SEM1: variants seen among roughly 807,000 people sequenced by gnomAD.
SEM1 encodes SEM1 26S proteasome subunit, also known as 26S proteasome complex subunit SEM1.
SEM1 carries 3 observed loss-of-function variants against 12.7 expected under a neutral mutation model. The observed-to-expected ratio is 0.24, with a 90% CI of 0.11 to 0.61. SEM1 has a LOEUF of 0.61. SEM1 is among the 20% of genes least tolerant of loss of function. SEM1 has a pLI of 0.88. For missense variants in SEM1, 59 were observed against 81.3 expected, an observed-to-expected ratio of 0.73 and a Z score of 1.06; for synonymous variants, 30 against 27.8, an observed-to-expected ratio of 1.08 and a Z score of -0.25.
intron 2 of SEM1, among the ~76,000 whole-genome samples, chr7:96,589,822 A>G (rs893846318): frequency 6.6e-6 from 1 of 152,194 alleles, no homozygotes. Flanking sequence ...TTTTAATTAG[A>G]CTACTATTTC....
At chr7:96,615,863 T>G (rs1807702805) in intron 2 of SEM1, among the ~76,000 whole-genome samples, 2 of 152,236 alleles carry the variant, frequency 1.3e-5, no homozygotes, top group Non-Finnish European at 2.9e-5. Flanking sequence ...TCACTTAGGA[T>G]AATGGCCTCC....
downstream of SEM1, among the ~76,000 whole-genome samples, chr7:96,685,503 G>A (rs1789735849): frequency 6.6e-6 from 1 of 152,062 alleles, no homozygotes; most frequent in African/African-American, 2.4e-5. Flanking sequence ...ATTAAGTGCT[G>A]TTGAAAGAGA....
At chr7:96,595,761 GTTCTA>G (rs1279826255) in intron 2 of SEM1, among the ~76,000 whole-genome samples, 2 of 151,846 alleles carry the variant, frequency 1.3e-5, no homozygotes, top group Admixed American at 1.3e-4. Flanking sequence ...ATTCATAAGT[GTTCTA>G]TTCTGTTTGT....
At chr7:96,546,235 A>G (rs1805098855) in intron 2 of SEM1, among the ~76,000 whole-genome samples, 1 of 152,108 alleles carries the variant, frequency 6.6e-6, no homozygotes, top group Admixed American at 6.6e-5. Flanking sequence ...AAAGATGAAT[A>G]AGATGATTCC....
downstream of SEM1, among the ~76,000 whole-genome samples, chr7:96,684,181 G>A (rs1789696896): frequency 6.6e-6 from 1 of 152,044 alleles, no homozygotes; most frequent in Non-Finnish European, 1.5e-5. Context: ...ACTAGCAATT[G>A]AGACTACATG....
At chr7:96,484,505 C>A (rs562792184) in intron 3 of SEM1, among the ~76,000 whole-genome samples, 23 of 152,182 alleles carry the variant, frequency 1.5e-4, no homozygotes, top group African/African-American at 5.5e-4. Context: ...TCAGTAAATA[C>A]CTGAAGAGAA....
At chr7:96,619,664 G>A (rs1807828675), downstream of SEM1, among the ~76,000 whole-genome samples, 3 of 152,080 alleles carry the variant, frequency 2.0e-5, no homozygotes, top group Admixed American at 1.3e-4. Context: ...TGGTGTGGGT[G>A]ATGAAAGTAG....
intron 1 of SEM1, among the ~76,000 whole-genome samples, chr7:96,495,730 T>G (rs1390040651): frequency 6.6e-6 from 1 of 152,152 alleles, no homozygotes; most frequent in Non-Finnish European, 1.5e-5. Flanking sequence ...AAATTTCTGT[T>G]TAACATCTTT....
intron 2 of SEM1, among the ~76,000 whole-genome samples, chr7:96,642,521 C>CT: frequency 6.6e-6 from 1 of 151,182 alleles, no homozygotes; most frequent in Admixed American, 6.6e-5. Flanking sequence ...ACCTTTGTTT[C>CT]TTTTTTTAAA....
At chr7:96,500,986 C>T (rs1803516268), upstream of SEM1, among the ~76,000 whole-genome samples, 1 of 151,178 alleles carries the variant, frequency 6.6e-6, no homozygotes, top group South Asian at 2.1e-4. Context: ...AAAAGTCTGC[C>T]TCTTATTATG....
chr7:96,532,010 C>G (rs1281777799), intron 2 of SEM1, among the ~76,000 whole-genome samples: 1 of 152,022 alleles, frequency 6.6e-6, no homozygotes, highest in Non-Finnish European at 1.5e-5. Context: ...TCTTGAGATC[C>G]CATGGCCTCT....
At chr7:96,677,457 T>A (rs958409412) in intron 2 of SEM1, among the ~76,000 whole-genome samples, 1 of 152,116 alleles carries the variant, frequency 6.6e-6, no homozygotes, top group Non-Finnish European at 1.5e-5. Context: ...AATTACAGAA[T>A]CTCTCACAAA....
intron 2 of SEM1, chr7:96,673,947 A>G (rs1176152309): frequency 4.3e-6 from 3 of 703,022 alleles, no homozygotes; most frequent in Non-Finnish European, 7.8e-6. Context: ...AGCCTGGCCC[A>G]TCCTGAAAAA....
intron 2 of SEM1, among the ~76,000 whole-genome samples, chr7:96,597,379 C>T (rs552666997): frequency 6.6e-6 from 1 of 152,178 alleles, no homozygotes; most frequent in East Asian, 1.9e-4. Flanking sequence ...CCTTGACATT[C>T]GTGGATCACT....
chr7:96,614,304 G>A (rs1019303701), intron 2 of SEM1, among the ~76,000 whole-genome samples: 7 of 151,774 alleles, frequency 4.6e-5, no homozygotes, highest in Non-Finnish European at 8.8e-5. Context: ...CTTAAATTTC[G>A]GTTTGTAGTT....
At chr7:96,644,078 C>T (rs1808708733) in intron 2 of SEM1, among the ~76,000 whole-genome samples, 1 of 151,950 alleles carries the variant, frequency 6.6e-6, no homozygotes, top group Non-Finnish European at 1.5e-5. Flanking sequence ...CCTTTACTGG[C>T]TTGTTCTGGC....
intron 2 of SEM1, among the ~76,000 whole-genome samples, chr7:96,659,297 T>G (rs1023018765): frequency 1.3e-5 from 2 of 152,164 alleles, no homozygotes; most frequent in African/African-American, 2.4e-5. Context: ...ACAGGTAGGC[T>G]CCTTATAGCA....
intron 2 of SEM1, among the ~76,000 whole-genome samples, chr7:96,628,759 A>G (rs1440923594): frequency 6.6e-6 from 1 of 152,034 alleles, no homozygotes; most frequent in Non-Finnish European, 1.5e-5. Context: ...CGATGATTTT[A>G]TATTGCTCAT....
chr7:96,600,577 G>A (rs963490429), intron 2 of SEM1, among the ~76,000 whole-genome samples: 5 of 152,126 alleles, frequency 3.3e-5, no homozygotes, highest in Non-Finnish European at 5.9e-5. Context: ...AGGTGCCCAC[G>A]GTGATGGGCA....
Sources: allele counts gnomAD v4.1 joint callset (sites outside exome capture counted in the v4.1 genomes callset), GRCh38; gene constraint gnomAD v4.1.1; transcripts MANE v1.5; gene names NCBI Gene and HGNC (gene_info 2026-07-23, HGNC 2026-07-21).